Variants in HDAC4 observed in about 807,000 individuals in gnomAD.
The protein encoded by HDAC4 is histone deacetylase A.
In HDAC4, 16 loss-of-function variants were observed where a neutral mutation model predicts 135.1. The ratio of observed to expected loss-of-function variants is 0.12; its 90% CI spans 0.08 to 0.18. The LOEUF is 0.18. Among genes scored for constraint, HDAC4 ranks in the 10% least tolerant of loss-of-function variants. The probability of loss-of-function intolerance (pLI) is 1.00; values close to 1 mark genes in which losing one functional copy is unlikely to be tolerated. For synonymous variants in HDAC4, 685 were observed against 653.4 expected, an observed-to-expected ratio of 1.05 and a Z score of -0.74; for missense variants, 1,143 against 1,511.8, an observed-to-expected ratio of 0.76 and a Z score of 4.05.
intron 24 of HDAC4, among the ~76,000 whole-genome samples, chr2:239,062,852 C>A (rs937337755): frequency 6.6e-6 from 1 of 152,228 alleles, no homozygotes; most frequent in East Asian, 1.9e-4. Context: ...CCCTGACCAG[C>A]AAAGATGGCC....
intron 24 of HDAC4, among the ~76,000 whole-genome samples, chr2:239,064,588 G>A (rs1412612462): frequency 6.6e-6 from 1 of 152,208 alleles, no homozygotes. Flanking sequence ...CTGCTCTCAA[G>A]AGCAGACCCA....
At chr2:239,090,161 C>T (rs370611438) in intron 17 of HDAC4, 45 bp from the exon 18 acceptor site, 25 of 1,378,062 alleles carry the variant, frequency 1.8e-5, no homozygotes, top group Middle Eastern at 1.8e-4. Context: ...CCCAGGCCAC[C>T]GTCATCACCA....
chr2:239,399,211 T>A (rs772045177), intron 1 of HDAC4, among the ~76,000 whole-genome samples: 26 of 152,216 alleles, frequency 1.7e-4, no homozygotes, highest in Non-Finnish European at 3.4e-4. Context: ...ATTTCACATA[T>A]TTTTGATATC....
rs949362334 is a variant in HDAC4 at position 239,303,596 on chromosome 2, C to CTT, written c.22+49080_22+49081dup. On this transcript the variant is annotated intron_variant, in intron 2 of 26. Transcript: ENST00000543185. This position sits in a 1 kb window ranked among gnomAD's most constrained non-coding sequence, Gnocchi z 5.1. Reference sequence around the variant, plus strand: ...TCAGCTTTCTCTGTTTTCTTTCTTTCTTTTTTTTTTTTAATTCACAATTGA... The same window carrying CTT: ...TCAGCTTTCTCTGTTTTCTTTCTTTCTTTTTTTTTTTTTTAATTCACAATTGA... Among the ~76,000 whole-genome samples, 1 of 147,008 alleles carries CTT rather than the reference C, an allele frequency of 6.8e-6. No homozygotes were observed.
intron 3 of HDAC4, among the ~76,000 whole-genome samples, chr2:239,220,300 A>C (rs1444299935): frequency 6.6e-6 from 1 of 152,246 alleles, no homozygotes; most frequent in East Asian, 1.9e-4. Context: ...GGAATTGCCT[A>C]AAATTGAGCT....
At chr2:239,292,087 A>G (rs1459686825) in intron 2 of HDAC4, among the ~76,000 whole-genome samples, 1 of 152,172 alleles carries the variant, frequency 6.6e-6, no homozygotes, top group Non-Finnish European at 1.5e-5. Context: ...CGCACAGCCC[A>G]GCTCAGGACG....
At chr2:239,094,319 G>A (rs2036792351) in intron 17 of HDAC4, 1 of 985,344 alleles carries the variant, frequency 1.0e-6, no homozygotes, top group Admixed American at 6.2e-5. Flanking sequence ...TTGATTGCAA[G>A]ACCTGACCCT....
chr2:239,152,888 A>G (rs12617027), intron 7 of HDAC4, among the ~76,000 whole-genome samples: 27,758 of 152,206 alleles, frequency 0.18, 3,001 homozygotes, highest in East Asian at 0.38. Flanking sequence ...ATCTGGTCCT[A>G]CTCGAAGGAC....
At chr2:239,179,584 C>T (rs937556304) in intron 4 of HDAC4, among the ~76,000 whole-genome samples, 3 of 152,220 alleles carry the variant, frequency 2.0e-5, no homozygotes, top group East Asian at 1.9e-4. Flanking sequence ...CCATCTTCCA[C>T]GAAACCGGTC....
chr2:239,058,953 G>A (rs79329122), intron 24 of HDAC4, among the ~76,000 whole-genome samples: 1,744 of 152,262 alleles, frequency 0.011, 8 homozygotes, highest in African/African-American at 0.017. Flanking sequence ...GGCTGACCAC[G>A]CACTGGCCCG....
At chr2:239,056,228 C>A (rs746860578) in intron 24 of HDAC4, among the ~76,000 whole-genome samples, 1 of 152,210 alleles carries the variant, frequency 6.6e-6, no homozygotes, top group Admixed American at 6.5e-5. Context: ...ACAAAAACCC[C>A]AAACAACACG....
intron 2 of HDAC4, among the ~76,000 whole-genome samples, chr2:239,280,620 C>A (rs1305906820): frequency 1.3e-5 from 2 of 152,090 alleles, no homozygotes; most frequent in East Asian, 3.8e-4. Flanking sequence ...GGCTCGGGGG[C>A]CTCTCTCCCG....
chr2:239,311,418 G>A (rs762893460), intron 2 of HDAC4, among the ~76,000 whole-genome samples: 8 of 152,194 alleles, frequency 5.3e-5, no homozygotes, highest in Non-Finnish European at 7.3e-5. Flanking sequence ...CTCAGCCGGC[G>A]TCAGCTGTTC....
chr2:239,135,867 A>G lies in HDAC4; in HGVS notation c.979-1224T>C, dbSNP rs149896397. On this transcript the variant is annotated intron_variant, in intron 9 of 26. Coordinates refer to ENST00000543185, the MANE Select transcript of HDAC4 (RefSeq NM_001378414.1). ...TTGTTTATGATACATTAAGTTAGAA[A>G]AACAGGTTATAGATCATGTACCTTT... Among the ~76,000 whole-genome samples the G allele has an allele frequency of 3.9e-4, 59 of 152,330 alleles. No individual in the cohort carries two copies. The East Asian group carries it at 0.011, about 27-fold the overall frequency.
chr2:239,298,161 C>G, intron 2 of HDAC4: 1 of 1,258,054 alleles, frequency 7.9e-7, no homozygotes, highest in Non-Finnish European at 1.0e-6. Context: ...AATAATTCTC[C>G]TCACCAAACA....
At chr2:239,184,885 G>T (rs1224384548) in intron 4 of HDAC4, among the ~76,000 whole-genome samples, 12 of 100,662 alleles carry the variant, frequency 1.2e-4, no homozygotes, top group African/African-American at 3.4e-4. Flanking sequence ...CCTATGGGGG[G>T]GTCCCTCAGT....
intron 11 of HDAC4, among the ~76,000 whole-genome samples, chr2:239,132,926 T>C (rs910068324): frequency 3.3e-5 from 5 of 152,090 alleles, no homozygotes; most frequent in African/African-American, 9.7e-5. Flanking sequence ...TCCAAGAGAC[T>C]CAGACGCAAC....
intron 1 of HDAC4, among the ~76,000 whole-genome samples, chr2:239,366,171 G>T (rs1028515561): frequency 6.7e-6 from 1 of 148,698 alleles, no homozygotes; most frequent in Non-Finnish European, 1.5e-5. Context: ...AGGGTCATGC[G>T]TGTGGCACTA....
At chr2:239,097,207 T>G (rs918611100) in intron 16 of HDAC4, among the ~76,000 whole-genome samples, 1 of 152,240 alleles carries the variant, frequency 6.6e-6, no homozygotes, top group African/African-American at 2.4e-5. Context: ...TGTGCCCGCC[T>G]TGTCCCTCCT....
Sources: allele counts gnomAD v4.1 joint callset (sites outside exome capture counted in the v4.1 genomes callset), GRCh38; gene constraint gnomAD v4.1.1; non-coding constraint Gnocchi (gnomAD v3.1); transcripts MANE v1.5; gene names NCBI Gene and HGNC (gene_info 2026-07-23, HGNC 2026-07-21).